The following CACNA1D variants were observed in gnomAD, a reference collection of about 807,000 sequenced individuals.
The protein encoded by CACNA1D is voltage-dependent L-type calcium channel subunit alpha-1D.
Under a neutral mutation model 257.1 loss-of-function variants are expected in CACNA1D, and 55 were observed. The ratio of observed to expected loss-of-function variants is 0.21; its 90% CI spans 0.17 to 0.27. The LOEUF (loss-of-function observed/expected upper bound fraction) is 0.27, where lower values mean the gene tolerates loss of function less well. CACNA1D is among the 10% of genes least tolerant of loss of function. The probability of loss-of-function intolerance (pLI) is 1.00; values close to 1 mark genes in which losing one functional copy is unlikely to be tolerated. For missense variants in CACNA1D, 1,876 were observed against 2,784.0 expected (o/e 0.67, Z 7.34); for synonymous variants, 980 against 1,014.9 (o/e 0.97, Z 0.65).
At chr3:53,599,316 T>C (rs1559897558) in intron 3 of CACNA1D, among the ~76,000 whole-genome samples, 1 of 152,242 alleles carries the variant, frequency 6.6e-6, no homozygotes, top group Non-Finnish European at 1.5e-5. Context: ...CCATGTTGCA[T>C]TGAGCATCTT....
chr3:53,667,504 A>C (rs1340945894), intron 7 of CACNA1D, among the ~76,000 whole-genome samples: 1 of 152,236 alleles, frequency 6.6e-6, no homozygotes, highest in Non-Finnish European at 1.5e-5. Flanking sequence ...TTCTGAAATC[A>C]GCAGCTTTTA....
chr3:53,510,470 AT>A (rs1467560794), intron 3 of CACNA1D, among the ~76,000 whole-genome samples: 1 of 152,206 alleles, frequency 6.6e-6, no homozygotes, highest in Non-Finnish European at 1.5e-5. Context: ...TGTGATGAAC[AT>A]TTAGGGTAAT....
intron 3 of CACNA1D, among the ~76,000 whole-genome samples, chr3:53,541,141 A>T (rs933557257): frequency 6.6e-6 from 1 of 152,222 alleles, no homozygotes. Context: ...TTGCGAGTAC[A>T]TCTATAAAGC....
In CACNA1D at chr3:53,805,540, C is replaced by A. The variant is rs79679295; in HGVS notation, c.5749+394C>A. Reference sequence around the variant, plus strand: ...GCACTCTGTGATGGGGTGACTGAGCCCCCAAAGGGGAAGAGTGGGCTCAAG... The same window carrying A: ...GCACTCTGTGATGGGGTGACTGAGCACCCAAAGGGGAAGAGTGGGCTCAAG... On this transcript the variant is annotated intron_variant, in intron 45 of 47. Transcript: ENST00000350061. Among the ~76,000 whole-genome samples, 924 of 152,292 alleles carry A rather than the reference C, an allele frequency of 6.1e-3. 7 individuals are homozygous for A. The highest frequency in any genetic ancestry group is 0.01 in the Non-Finnish European group (712 of 68,012).
intron 3 of CACNA1D, among the ~76,000 whole-genome samples, chr3:53,526,785 A>G (rs1468717149): frequency 2.0e-5 from 3 of 152,170 alleles, no homozygotes; most frequent in Non-Finnish European, 4.4e-5. Context: ...CAGAGTTGCT[A>G]TGAGAAATAA....
At chr3:53,664,553 C>T (rs2094240427) in intron 5 of CACNA1D, among the ~76,000 whole-genome samples, 1 of 152,238 alleles carries the variant, frequency 6.6e-6, no homozygotes, top group African/African-American at 2.4e-5. Flanking sequence ...AACCACCAAT[C>T]AAGACTCACC....
At chr3:53,556,626 T>C (rs1050450022) in intron 3 of CACNA1D, among the ~76,000 whole-genome samples, 1 of 152,190 alleles carries the variant, frequency 6.6e-6, no homozygotes, top group African/African-American at 2.4e-5. Context: ...CCATATATCC[T>C]GGATCCAGGT....
intron 39 of CACNA1D, 93 bp from the exon 40 acceptor site, chr3:53,786,729 C>A: frequency 6.3e-6 from 3 of 478,718 alleles, no homozygotes; most frequent in Non-Finnish European, 1.2e-5. Flanking sequence ...CCGCCCCACT[C>A]TGCCCCTGCC....
chr3:53,692,040 T>A (rs1475401855), intron 8 of CACNA1D, among the ~76,000 whole-genome samples: 2 of 146,936 alleles, frequency 1.4e-5, no homozygotes, highest in Non-Finnish European at 3.0e-5. Context: ...TGTGGCCAAA[T>A]ACACCCAGTA....
At chr3:53,746,632 T>C (rs943595871) in intron 25 of CACNA1D, among the ~76,000 whole-genome samples, 8 of 152,192 alleles carry the variant, frequency 5.3e-5, no homozygotes, top group African/African-American at 1.9e-4. Context: ...AATTTGGCTG[T>C]GTCTCTGCAC....
At position 53,673,937 on chromosome 3, in the gene CACNA1D, T is replaced by C; in HGVS notation, c.1220+811T>C. 2 of 746,564 alleles carry C rather than the reference T, an allele frequency of 2.7e-6. No homozygotes were observed. Among genetic ancestry groups the C allele is most frequent in the African/African-American group, 1.7e-5 (1 of 58,382 alleles). 46.2% of individuals were successfully genotyped at this position (746,564 alleles called of 1,614,324 possible). A position where few individuals can be genotyped will look rare whatever the true frequency, so the allele number is the denominator to read the frequency against. On this transcript the variant is annotated intron_variant, in intron 8 of 47. Coordinates refer to ENST00000350061, the MANE Select transcript of CACNA1D (RefSeq NM_001128840.3). This position sits in a 1 kb window ranked among gnomAD's most constrained non-coding sequence, Gnocchi z 4.1. Reference sequence around the variant, plus strand: ...TGTTTGGACTCTGATGTCCTCTCAGTGTGTTGCTTTTGGATTGAACTGTGA... The same window carrying C: ...TGTTTGGACTCTGATGTCCTCTCAGCGTGTTGCTTTTGGATTGAACTGTGA...
intron 3 of CACNA1D, among the ~76,000 whole-genome samples, chr3:53,610,926 TC>T (rs2093575482): frequency 6.6e-6 from 1 of 152,254 alleles, no homozygotes; most frequent in Middle Eastern, 3.2e-3. Flanking sequence ...GTAGTGTATT[TC>T]TGTTGGCAGT....
At chr3:53,769,864 G>A (rs2095356818) in intron 30 of CACNA1D, 109 bp from the exon 31 acceptor site, 2 of 857,494 alleles carry the variant, frequency 2.3e-6, no homozygotes, top group Non-Finnish European at 4.1e-6. Context: ...GAGCAGGTGT[G>A]GTGTCTAAAG....
intron 14 of CACNA1D, among the ~76,000 whole-genome samples, chr3:53,725,002 G>A (rs1467686233): frequency 2.1e-5 from 1 of 47,092 alleles, no homozygotes. Context: ...AGAAACTGGT[G>A]TCTTTTTTTT....
chr3:53,579,073 T>A (rs2093087420), intron 3 of CACNA1D, among the ~76,000 whole-genome samples: 1 of 152,166 alleles, frequency 6.6e-6, no homozygotes, highest in East Asian at 1.9e-4. Context: ...AGCTCTTGAC[T>A]GGGGGACATT....
intron 9 of CACNA1D, among the ~76,000 whole-genome samples, chr3:53,709,348 G>C (rs772761573): frequency 2.0e-5 from 3 of 152,198 alleles, no homozygotes; most frequent in Non-Finnish European, 4.4e-5. Flanking sequence ...CCAAGGCCAT[G>C]TGACTTACGT....
chr3:53,718,270 A>C, intron 9 of CACNA1D, 31 bp from the exon 10 acceptor site: 1 of 1,593,392 alleles, frequency 6.3e-7, no homozygotes, highest in Non-Finnish European at 8.6e-7. Context: ...TGTGCCCCGC[A>C]TGCTCTCTGA....
At chr3:53,691,741 AC>A (rs2094523191) in intron 8 of CACNA1D, among the ~76,000 whole-genome samples, 1 of 55,940 alleles carries the variant, frequency 1.8e-5, no homozygotes, top group African/African-American at 8.0e-5. Flanking sequence ...TATATATATT[AC>A]ATATATAATA....
intron 3 of CACNA1D, among the ~76,000 whole-genome samples, chr3:53,525,503 G>C (rs2091732656): frequency 6.6e-6 from 1 of 152,158 alleles, no homozygotes; most frequent in African/African-American, 2.4e-5. Context: ...TGTCAAACCT[G>C]GTAGCTTTGC....
Sources: gnomAD v4.1 joint callset for allele counts (sites outside exome capture counted in the v4.1 genomes callset) on GRCh38, gnomAD v4.1.1 for gene constraint, Gnocchi (gnomAD v3.1) non-coding constraint, MANE v1.5 for transcripts, NCBI Gene and HGNC (gene_info 2026-07-23, HGNC 2026-07-21) for gene names.